PAN3: variants seen among roughly 807,000 people sequenced by gnomAD.
PAN3 encodes the protein PAN2-PAN3 deadenylation complex subunit PAN3.
A neutral mutation model predicts 96.2 loss-of-function variants in PAN3; 19 were observed. The observed-to-expected ratio is 0.20, with a 90% CI of 0.14 to 0.29. The LOEUF is 0.29. Ranked by LOEUF, PAN3 falls within the 10% of genes least tolerant of loss-of-function variation. The pLI, the probability that PAN3 is intolerant of heterozygous loss-of-function variation, is 1.00. For synonymous variants in PAN3, 433 were observed against 406.6 expected, an observed-to-expected ratio of 1.06 and a Z score of -0.78; for missense variants, 882 against 1,108.1, an observed-to-expected ratio of 0.80 and a Z score of 2.90.
At position 28,256,494 on chromosome 13, in the gene PAN3, G is replaced by C. The variant is rs755626393; in HGVS notation, c.1203G>C (p.Thr401=). Residue 401 remains threonine, a synonymous_variant, in exon 7 of 19, where the codon ACG becomes ACC. Transcript: ENST00000380958. The stretch of plus-strand genomic sequence containing the variant: ...TCCAAAAGGAAACTGTTGGTGGGAC[G>C]ACTTACTTCTATACAGACACAACTC... The part of the protein sequence containing the change: ...QVIQKETVGG[T]TYFYTDTTPA... The C allele has an allele frequency of 6.2e-7, 1 of 1,613,974 alleles. No homozygotes were observed. Among genetic ancestry groups the C allele is most frequent in the Non-Finnish European group, 8.5e-7 (1 of 1,179,938 alleles).
At chr13:28,163,762 T>C (rs747239769) in intron 1 of PAN3, among the ~76,000 whole-genome samples, 5 of 152,364 alleles carry the variant, frequency 3.3e-5, no homozygotes, top group Non-Finnish European at 7.3e-5. Flanking sequence ...TCAATCGTTA[T>C]ATGATTCTTG....
intron 6 of PAN3, among the ~76,000 whole-genome samples, chr13:28,246,624 T>G (rs1375095839): frequency 1.3e-5 from 2 of 152,172 alleles, no homozygotes; most frequent in Non-Finnish European, 2.9e-5. Flanking sequence ...CTTCTTTCTA[T>G]CTCTATGAGA....
Position 28,259,306 on chromosome 13 carries a change from TTTG to T in PAN3, c.1249-1135_1249-1133del, listed in dbSNP as rs559657622. Among the ~76,000 whole-genome samples, 140 of 151,518 alleles carry T rather than the reference TTTG, an allele frequency of 9.2e-4. 2 individuals carry two copies. The highest frequency in any genetic ancestry group is 3.3e-3 in the African/African-American group (138 of 41,266). ...CCAAGCCTGGCTAATTTGTGTTTTT[TTTG>T]TTGTTTTTTTTTTTGAGATGGAGTC... On this transcript the variant is annotated intron_variant, in intron 7 of 18. Coordinates refer to ENST00000380958, the MANE Select transcript of PAN3 (RefSeq NM_175854.8).
intron 4 of PAN3, among the ~76,000 whole-genome samples, chr13:28,178,811 A>G (rs1292563292): frequency 6.6e-6 from 1 of 152,178 alleles, no homozygotes; most frequent in Non-Finnish European, 1.5e-5. Context: ...TCTGATCAGC[A>G]GATAGTATAA....
rs893112647 is a variant in PAN3, at chr13:28,138,789, G to A, written c.132G>A (p.Val44=). The A allele has an allele frequency of 3.9e-5, 55 of 1,394,724 alleles. No individual in the cohort carries two copies. Among genetic ancestry groups the A allele is most frequent in the Non-Finnish European group, 5.0e-5 (54 of 1,078,250 alleles). The allele number at this position is 1,394,724 out of a possible 1,614,324, so 86.4% of individuals were successfully genotyped here. A position where few individuals can be genotyped will look rare whatever the true frequency, so the allele number is the denominator to read the frequency against. Residue 44 remains valine (V), a synonymous_variant, in exon 1 of 19, where the codon GTG becomes GTA. Transcript: ENST00000380958. ...GGVPGGAAVG[V]KLKYCRYYAK... ...TCCCCGGCGGGGCGGCGGTAGGAGT[G>A]AAGCTGAAGTACTGCCGCTACTACG... is the stretch of plus-strand genomic sequence containing the variant.
chr13:28,291,966 AT>A (rs1869811163), intron 18 of PAN3, among the ~76,000 whole-genome samples: 2 of 152,144 alleles, frequency 1.3e-5, no homozygotes, highest in Non-Finnish European at 2.9e-5. Flanking sequence ...TTAAAAACCA[AT>A]TTCTTAATAC....
At chr13:28,269,812 T>G (rs1409452373) in intron 12 of PAN3, among the ~76,000 whole-genome samples, 1 of 152,214 alleles carries the variant, frequency 6.6e-6, no homozygotes, top group Non-Finnish European at 1.5e-5. Context: ...TATGTGCTGC[T>G]TACCAGAAAT....
At chr13:28,228,195 A>G (rs1241861630) in intron 6 of PAN3, among the ~76,000 whole-genome samples, 1 of 152,174 alleles carries the variant, frequency 6.6e-6, no homozygotes, top group Non-Finnish European at 1.5e-5. Context: ...TGGTCCTCTA[A>G]TTCTGTAGGA....
intron 4 of PAN3, among the ~76,000 whole-genome samples, chr13:28,194,466 A>ATATATATATATATTTTT (rs1429166016): frequency 4.4e-4 from 54 of 122,098 alleles, no homozygotes; most frequent in African/African-American, 1.8e-3. Flanking sequence ...ATATATATAT[A>ATATATATATATATTTTT]TTTTTTTTTT....
chr13:28,173,580 G>T (rs1026416826), intron 1 of PAN3, among the ~76,000 whole-genome samples: 5 of 152,160 alleles, frequency 3.3e-5, no homozygotes, highest in Admixed American at 3.3e-4. Flanking sequence ...TTCTTACTGG[G>T]GTTGAAGGGG....
chr13:28,287,369 G>A (rs45557039), intron 17 of PAN3, among the ~76,000 whole-genome samples: 14,154 of 152,128 alleles, frequency 0.093, 827 homozygotes, highest in African/African-American at 0.17. Flanking sequence ...TCAGCCAGGC[G>A]CGGCCCTAGA....
chr13:28,275,024 T>G (rs899824981), intron 14 of PAN3, among the ~76,000 whole-genome samples: 1 of 152,036 alleles, frequency 6.6e-6, no homozygotes, highest in Non-Finnish European at 1.5e-5. Flanking sequence ...AGGAAGAAAC[T>G]GAAAATCAGT....
At chr13:28,163,904 T>C (rs1873205403) in intron 1 of PAN3, among the ~76,000 whole-genome samples, 1 of 152,202 alleles carries the variant, frequency 6.6e-6, no homozygotes, top group Admixed American at 6.5e-5. Flanking sequence ...ATTTACTGAA[T>C]AATCCCCCTT....
chr13:28,149,538 T>C (rs1032340304), intron 1 of PAN3, among the ~76,000 whole-genome samples: 1 of 152,224 alleles, frequency 6.6e-6, no homozygotes, highest in Admixed American at 6.5e-5. Flanking sequence ...TAGTAGTCGC[T>C]AGAAAGTTTC....
At chr13:28,156,593 A>G (rs777004267) in intron 1 of PAN3, among the ~76,000 whole-genome samples, 1 of 152,230 alleles carries the variant, frequency 6.6e-6, no homozygotes, top group Non-Finnish European at 1.5e-5. Context: ...AAAACCTGGC[A>G]GAGACTCAAC....
At chr13:28,150,616 G>A (rs555379840) in intron 1 of PAN3, among the ~76,000 whole-genome samples, 8 of 143,138 alleles carry the variant, frequency 5.6e-5, no homozygotes, top group African/African-American at 1.6e-4. Flanking sequence ...CAGCCTAGGC[G>A]ACAGAGCGAG....
intron 1 of PAN3, among the ~76,000 whole-genome samples, chr13:28,163,992 C>T (rs924796802): frequency 6.6e-6 from 1 of 152,068 alleles, no homozygotes; most frequent in Non-Finnish European, 1.5e-5. Context: ...ACTTGGGAGG[C>T]TGAGGTGGGA....
At chr13:28,278,817 C>G (rs1002412981) in intron 15 of PAN3, among the ~76,000 whole-genome samples, 1 of 151,796 alleles carries the variant, frequency 6.6e-6, no homozygotes, top group Admixed American at 6.6e-5. Context: ...ATATGATTAG[C>G]AGGGTACACA....
intron 6 of PAN3, among the ~76,000 whole-genome samples, chr13:28,250,338 G>C (rs537957972): frequency 6.6e-6 from 1 of 151,948 alleles, no homozygotes; most frequent in Non-Finnish European, 1.5e-5. Flanking sequence ...TGGGACTACA[G>C]GTGCATACCA....
Sources: allele counts gnomAD v4.1 joint callset (sites outside exome capture counted in the v4.1 genomes callset), GRCh38; gene constraint gnomAD v4.1.1; transcripts MANE v1.5; gene names NCBI Gene and HGNC (gene_info 2026-07-23, HGNC 2026-07-21).